The following PCDHGB1 variants were observed in gnomAD, a reference collection of about 807,000 sequenced individuals.
The protein encoded by PCDHGB1 is protocadherin gamma-B1.
A neutral mutation model predicts 56.6 loss-of-function variants in PCDHGB1; 34 were observed. The ratio of observed to expected loss-of-function variants is 0.60; its 90% confidence interval spans 0.46 to 0.80. The LOEUF is 0.80. PCDHGB1 is among the 30% of genes least tolerant of loss of function. The pLI, the probability that PCDHGB1 is intolerant of heterozygous loss-of-function variation, is 0.00. For synonymous variants in PCDHGB1, 561 were observed against 505.9 expected, an observed-to-expected ratio of 1.11 and a Z score of -1.46; for missense variants, 1,278 against 1,204.6, an observed-to-expected ratio of 1.06 and a Z score of -0.90.
At chr5:141,358,924 A>T (rs1466398960) in intron 1 of PCDHGB1, among the ~76,000 whole-genome samples, 1 of 152,216 alleles carries the variant, frequency 6.6e-6, no homozygotes, top group African/African-American at 2.4e-5. Context: ...TGTGTAGGGG[A>T]TATACAACAC....
chr5:141,509,300 G>A (rs987250093), intron 3 of PCDHGB1, among the ~76,000 whole-genome samples: 5 of 152,216 alleles, frequency 3.3e-5, no homozygotes, highest in African/African-American at 1.2e-4. Flanking sequence ...GGTGGAGGCA[G>A]AGGGAGGCTG....
chr5:141,462,781 G>A (rs893647456), intron 1 of PCDHGB1, among the ~76,000 whole-genome samples: 7 of 152,102 alleles, frequency 4.6e-5, no homozygotes, highest in African/African-American at 1.7e-4. Context: ...GTCATAATTT[G>A]TTGCTTATTT....
At position 141,491,766 on chromosome 5, in the gene PCDHGB1, T is replaced by G. The variant is rs772444495; in HGVS notation, c.2410-3041T>G. On this transcript the variant is annotated intron_variant, in intron 1 of 3. Coordinates refer to ENST00000523390, the MANE Select transcript of PCDHGB1 (RefSeq NM_018922.3). This position sits in a 1 kb window ranked among gnomAD's most constrained non-coding sequence, Gnocchi z 6.9. ...GCACTGGAGAAGCCGCCCGTCCTCA[T>G]AAGGGATTGAACTTGCATCCACTCC... The G allele has an allele frequency of 1.9e-6, 3 of 1,567,856 alleles. No homozygotes were observed. Among genetic ancestry groups the G allele is most frequent in the Non-Finnish European group, 8.6e-7 (1 of 1,158,088 alleles).
chr5:141,449,425 G>T (rs1206395356), intron 1 of PCDHGB1, among the ~76,000 whole-genome samples: 2 of 151,688 alleles, frequency 1.3e-5, no homozygotes, highest in Non-Finnish European at 2.9e-5. Context: ...TGGCCAACAT[G>T]ATAAAACTCC....
intron 1 of PCDHGB1, chr5:141,415,791 CCTAGTCTCAA>C: frequency 2.2e-6 from 3 of 1,341,938 alleles, no homozygotes; most frequent in Non-Finnish European, 1.9e-6. Flanking sequence ...GTAAAATTCA[CCTAGTCTCAA>C]TCAAGGCCTA....
chr5:141,387,721 C>A, intron 1 of PCDHGB1: 2 of 1,151,790 alleles, frequency 1.7e-6, no homozygotes, highest in Non-Finnish European at 2.4e-6. Context: ...CTCAGACTCC[C>A]CAGCGCCAGC....
chr5:141,496,802 A>G (rs1483438160), intron 2 of PCDHGB1, among the ~76,000 whole-genome samples: 1 of 152,050 alleles, frequency 6.6e-6, no homozygotes, highest in Admixed American at 6.6e-5. Flanking sequence ...ACATTGGGCT[A>G]TAGGAGTGAA....
rs1487270083 is a variant in PCDHGB1, at chr5:141,402,944, G to T, written c.2409+50275G>T. ...GATCCTTTTGAGAAAATTCCAAAGC[G>T]AGGCAGCAATGGCAGCTCCAACCAA... is the stretch of plus-strand genomic sequence containing the variant. On this transcript the variant is annotated intron_variant, in intron 1 of 3. Transcript: ENST00000523390. The T allele has an allele frequency of 3.8e-6, 6 of 1,592,018 alleles. No individual in the cohort carries two copies. The African/African-American group carries it at 8.1e-5, about 22-fold the overall frequency.
intron 1 of PCDHGB1, among the ~76,000 whole-genome samples, chr5:141,368,352 C>CAT (rs965270733): frequency 4.6e-5 from 7 of 152,124 alleles, no homozygotes; most frequent in East Asian, 1.9e-4. Flanking sequence ...TATACACACA[C>CAT]ATATATATAC....
intron 1 of PCDHGB1, among the ~76,000 whole-genome samples, chr5:141,433,680 A>G (rs570459317): frequency 1.3e-5 from 2 of 152,236 alleles, no homozygotes; most frequent in African/African-American, 4.8e-5. Context: ...TACTAAAAAA[A>G]TACAAAATTA....
chr5:141,399,611 T>A, intron 1 of PCDHGB1: 2 of 1,613,930 alleles, frequency 1.2e-6, no homozygotes, highest in Non-Finnish European at 1.7e-6. Flanking sequence ...CTAGAGCCTC[T>A]GGCACTGGCC....
intron 3 of PCDHGB1, among the ~76,000 whole-genome samples, chr5:141,507,803 G>GAC (rs2099863701): frequency 6.6e-6 from 1 of 152,228 alleles, no homozygotes; most frequent in Admixed American, 6.5e-5. Flanking sequence ...CCTGCGCCCT[G>GAC]GGGAACGGAC....
intron 1 of PCDHGB1, chr5:141,383,874 T>C: frequency 1.2e-6 from 2 of 1,614,012 alleles, no homozygotes; most frequent in Non-Finnish European, 1.7e-6. Context: ...AAGATGGTCC[T>C]GGTAGTCTGA....
intron 1 of PCDHGB1, chr5:141,366,436 C>T (rs757760710): frequency 1.9e-6 from 3 of 1,614,076 alleles, no homozygotes; most frequent in African/African-American, 1.3e-5. Context: ...CAGTCTCCTG[C>T]GTCTTCCTGG....
chr5:141,451,565 C>A (rs1336048717), intron 1 of PCDHGB1, among the ~76,000 whole-genome samples: 2 of 152,062 alleles, frequency 1.3e-5, no homozygotes, highest in South Asian at 2.1e-4. Flanking sequence ...AAGCCACAAT[C>A]TTTTTATAAA....
intron 1 of PCDHGB1, chr5:141,409,073 A>G (rs200127436): frequency 6.2e-7 from 1 of 1,613,866 alleles, no homozygotes. Context: ...CACAAAACAT[A>G]TGTTCTCATT....
intron 1 of PCDHGB1, chr5:141,478,401 T>G: frequency 6.2e-7 from 1 of 1,613,480 alleles, no homozygotes; most frequent in South Asian, 1.1e-5. Context: ...CAGGTGTATC[T>G]CACCACGGAC....
At chr5:141,472,000 C>T (rs935165645) in intron 1 of PCDHGB1, among the ~76,000 whole-genome samples, 3 of 151,852 alleles carry the variant, frequency 2.0e-5, no homozygotes, top group African/African-American at 4.8e-5. Flanking sequence ...ATCCCTGCAT[C>T]GTATAGGGGC....
At chr5:141,397,381 T>G (rs966351267) in intron 1 of PCDHGB1, among the ~76,000 whole-genome samples, 1 of 152,228 alleles carries the variant, frequency 6.6e-6, no homozygotes, top group Non-Finnish European at 1.5e-5. Flanking sequence ...GGGATTGGTA[T>G]AAAATTGCCA....
Sources: allele counts gnomAD v4.1 joint callset (sites outside exome capture counted in the v4.1 genomes callset), GRCh38; gene constraint gnomAD v4.1.1; non-coding constraint Gnocchi (gnomAD v3.1); transcripts MANE v1.5; gene names NCBI Gene and HGNC (gene_info 2026-07-23, HGNC 2026-07-21).